The following NCAM2 variants were observed in gnomAD, a reference collection of about 807,000 sequenced individuals.
The protein encoded by NCAM2 is N-CAM-2.
Under a neutral mutation model 98.1 loss-of-function variants are expected in NCAM2, and 30 were observed. The observed-to-expected ratio is 0.31, with a 90% confidence interval of 0.23 to 0.41. The LOEUF is 0.41. Among genes scored for constraint, NCAM2 ranks in the 10% least tolerant of loss-of-function variants. The pLI is 1.00. For missense variants in NCAM2, 867 were observed against 1,005.8 expected, an observed-to-expected ratio of 0.86 and a Z score of 1.87; for synonymous variants, 368 against 342.4, an observed-to-expected ratio of 1.07 and a Z score of -0.83.
intron 1 of NCAM2, among the ~76,000 whole-genome samples, chr21:21,070,990 G>A (rs1023948468): frequency 3.9e-5 from 6 of 152,110 alleles, no homozygotes; most frequent in African/African-American, 1.2e-4. Context: ...AGGCAAATGG[G>A]AAATAAAGTT....
At chr21:21,004,465 C>T (rs2064076203) in intron 1 of NCAM2, among the ~76,000 whole-genome samples, 1 of 152,050 alleles carries the variant, frequency 6.6e-6, no homozygotes, top group Non-Finnish European at 1.5e-5. Flanking sequence ...TTTCCAACTT[C>T]CAGTTGCATA....
At chr21:21,467,240 A>G (rs1293078897) in intron 13 of NCAM2, among the ~76,000 whole-genome samples, 1 of 151,780 alleles carries the variant, frequency 6.6e-6, no homozygotes, top group African/African-American at 2.4e-5. Flanking sequence ...AATTGAGTTT[A>G]CATAGAGTGA....
chr21:21,477,403 A>G lies in NCAM2; in HGVS notation c.2009A>G (p.Asn670Ser). 1 of 1,611,762 alleles carries G rather than the reference A, an allele frequency of 6.2e-7. No individual in the cohort carries two copies. Among genetic ancestry groups the G allele is most frequent in the Non-Finnish European group, 8.5e-7 (1 of 1,178,408 alleles). Reference sequence around the variant, plus strand: ...TATGAAGTTCAGATTACAGCTGCCAATAGATTGGGATATTCTGAACCGACA... The same window carrying G: ...TATGAAGTTCAGATTACAGCTGCCAGTAGATTGGGATATTCTGAACCGACA... ...MGYEVQITAANRLGYSEPTVY... is the reference protein window; with the variant it reads ...MGYEVQITAASRLGYSEPTVY... Residue 670 changes from asparagine to serine, a missense_variant, in exon 15 of 18, where the codon AAT (asparagine) becomes AGT (serine). Physicochemically the swap from Asn to Ser is conservative, Grantham distance 46. Coordinates refer to ENST00000400546, the MANE Select transcript of NCAM2 (RefSeq NM_004540.5).
intron 11 of NCAM2, among the ~76,000 whole-genome samples, chr21:21,429,889 T>C (rs890716038): frequency 6.6e-6 from 1 of 152,156 alleles, no homozygotes; most frequent in Non-Finnish European, 1.5e-5. Flanking sequence ...TATTCACATG[T>C]GAAAGGCCGT....
chr21:21,125,583 TA>T (rs2146589448), intron 1 of NCAM2, among the ~76,000 whole-genome samples: 1 of 130,522 alleles, frequency 7.7e-6, no homozygotes, highest in Admixed American at 8.5e-5. Flanking sequence ...AAACATATAA[TA>T]TACATATTTA....
At chr21:21,200,318 C>T (rs1422267352) in intron 1 of NCAM2, among the ~76,000 whole-genome samples, 2 of 150,420 alleles carry the variant, frequency 1.3e-5, no homozygotes, top group South Asian at 2.1e-4. Context: ...GGAAACGCTG[C>T]GTGAGGGTTC....
intron 8 of NCAM2, among the ~76,000 whole-genome samples, chr21:21,354,730 C>T (rs1430601876): frequency 6.6e-6 from 1 of 152,100 alleles, no homozygotes; most frequent in Non-Finnish European, 1.5e-5. Context: ...TTTGTGGGTC[C>T]ATGCACTTTT....
intron 1 of NCAM2, among the ~76,000 whole-genome samples, chr21:21,250,967 A>T (rs1205185935): frequency 6.6e-6 from 1 of 152,156 alleles, no homozygotes; most frequent in Non-Finnish European, 1.5e-5. Context: ...ATGAGATTAT[A>T]TGTCCTCCAC....
intron 1 of NCAM2, among the ~76,000 whole-genome samples, chr21:21,107,162 A>C (rs2066366201): frequency 6.6e-6 from 1 of 152,112 alleles, no homozygotes; most frequent in Non-Finnish European, 1.5e-5. Flanking sequence ...TTACTTATGT[A>C]ATTATTAATC....
chr21:21,372,209 TA>T (rs1379962602), intron 8 of NCAM2, among the ~76,000 whole-genome samples: 1 of 151,850 alleles, frequency 6.6e-6, no homozygotes, highest in East Asian at 1.9e-4. Context: ...ATCACATGGA[TA>T]TTTGATTAAG....
At chr21:21,361,431 T>A (rs987774869) in intron 8 of NCAM2, among the ~76,000 whole-genome samples, 2 of 147,976 alleles carry the variant, frequency 1.4e-5, no homozygotes, top group African/African-American at 5.0e-5. Context: ...TTGTACCATG[T>A]TTTTTTTGGC....
At chr21:21,440,204 G>C (rs1979029495) in intron 12 of NCAM2, among the ~76,000 whole-genome samples, 1 of 152,040 alleles carries the variant, frequency 6.6e-6, no homozygotes, top group Admixed American at 6.6e-5. Context: ...TTTTATATAT[G>C]AGTTCAAAGA....
At chr21:21,088,972 A>AGAAAAG (rs1259545058) in intron 1 of NCAM2, among the ~76,000 whole-genome samples, 26 of 148,196 alleles carry the variant, frequency 1.8e-4, no homozygotes, top group African/African-American at 6.4e-4. Flanking sequence ...CTCTGTCTCA[A>AGAAAAG]AAAAAAAAAA....
At chr21:21,393,569 C>G (rs1437993591) in intron 9 of NCAM2, among the ~76,000 whole-genome samples, 2 of 151,448 alleles carry the variant, frequency 1.3e-5, no homozygotes, top group Non-Finnish European at 2.9e-5. Flanking sequence ...CTTAATAAAC[C>G]AAGATTTTAA....
intron 1 of NCAM2, among the ~76,000 whole-genome samples, chr21:21,125,459 G>C (rs1463660880): frequency 2.8e-4 from 1 of 3,572 alleles, no homozygotes; most frequent in Non-Finnish European, 6.4e-4. Flanking sequence ...TACATATATA[G>C]AGACAGATAT....
intron 15 of NCAM2, among the ~76,000 whole-genome samples, chr21:21,484,789 C>G (rs1195078152): frequency 6.6e-6 from 1 of 152,116 alleles, no homozygotes. Context: ...ATCGGGATTG[C>G]TACTTTCAGC....
intron 9 of NCAM2, among the ~76,000 whole-genome samples, chr21:21,391,074 C>T (rs1410432857): frequency 1.3e-5 from 2 of 152,072 alleles, no homozygotes; most frequent in African/African-American, 2.4e-5. Context: ...AATATTTAGT[C>T]GAGTGTGGTA....
intron 15 of NCAM2, among the ~76,000 whole-genome samples, chr21:21,498,035 T>G (rs573958449): frequency 6.6e-6 from 1 of 152,288 alleles, no homozygotes; most frequent in South Asian, 2.1e-4. Context: ...AAAATGATTT[T>G]ACACAATCTA....
Position 21,538,651 on chromosome 21 carries a change from T to C in NCAM2, c.*694T>C, listed in dbSNP as rs983899896. 2.6e-5 allele frequency: 4 copies of C among 152,102 alleles called. No individual in the cohort carries two copies. The highest frequency in any genetic ancestry group is 9.7e-5 in the African/African-American group (4 of 41,434). 9.4% of individuals were successfully genotyped at this position (152,102 alleles called of 1,614,324 possible). On this transcript the variant is annotated 3_prime_UTR_variant, in exon 18 of 18. Transcript: ENST00000400546. ...TTAGATTAGAAAGACTTTCTAAATC[T>C]CTATCTCTTTATATATGTCCTATTC...
Sources: allele counts gnomAD v4.1 joint callset (sites outside exome capture counted in the v4.1 genomes callset), GRCh38; gene constraint gnomAD v4.1.1; transcripts MANE v1.5; gene names NCBI Gene and HGNC (gene_info 2026-07-23, HGNC 2026-07-21).